The following WWP1 variants were observed in gnomAD, a reference collection of about 807,000 sequenced individuals.
WWP1 encodes WW domain containing E3 ubiquitin protein ligase 1.
In WWP1, 49 loss-of-function variants were observed where a neutral mutation model predicts 130.6. The ratio of observed to expected loss-of-function variants is 0.38; its 90% confidence interval spans 0.30 to 0.48. The LOEUF (loss-of-function observed/expected upper bound fraction) is 0.48. WWP1 is among the 20% of genes least tolerant of loss of function. The pLI is 0.99. For synonymous variants in WWP1, 332 were observed against 367.8 expected (o/e 0.90, Z 1.11); for missense variants, 809 against 1,100.6 (o/e 0.74, Z 3.75).
intron 20 of WWP1, among the ~76,000 whole-genome samples, chr8:86,451,726 TCTTCATC>T (rs1466434571): frequency 6.6e-6 from 1 of 152,180 alleles, no homozygotes; most frequent in Non-Finnish European, 1.5e-5. Context: ...CTTGGCTTTC[TCTTCATC>T]GTCTAGAATC....
At chr8:86,406,610 G>A (rs891252976) in intron 8 of WWP1, among the ~76,000 whole-genome samples, 1 of 152,074 alleles carries the variant, frequency 6.6e-6, no homozygotes, top group Admixed American at 6.6e-5. Context: ...AAATTGACAT[G>A]AATACAACCC....
At chr8:86,356,091 C>T (rs1823236986) in intron 1 of WWP1, among the ~76,000 whole-genome samples, 1 of 152,132 alleles carries the variant, frequency 6.6e-6, no homozygotes, top group South Asian at 2.1e-4. Flanking sequence ...AAGTGACTGA[C>T]ATATAATAGG....
intron 7 of WWP1, among the ~76,000 whole-genome samples, chr8:86,399,084 T>C (rs1432442391): frequency 6.6e-6 from 1 of 152,224 alleles, no homozygotes; most frequent in East Asian, 1.9e-4. Flanking sequence ...TGACTTCTTT[T>C]TCTTAGCATG....
At chr8:86,462,229 A>G (rs1041337864) in intron 24 of WWP1, among the ~76,000 whole-genome samples, 4 of 152,232 alleles carry the variant, frequency 2.6e-5, no homozygotes, top group Admixed American at 1.3e-4. Flanking sequence ...ACAGAGAACA[A>G]CTAACGGGAA....
At chr8:86,428,695 A>AT in intron 11 of WWP1, among the ~76,000 whole-genome samples, 1 of 152,302 alleles carries the variant, frequency 6.6e-6, no homozygotes, top group South Asian at 2.1e-4. Flanking sequence ...CCTAGTTTCC[A>AT]TAGCGTTTCC....
intron 18 of WWP1, among the ~76,000 whole-genome samples, chr8:86,444,608 G>C (rs961649591): frequency 1.3e-5 from 2 of 152,172 alleles, no homozygotes; most frequent in African/African-American, 4.8e-5. Context: ...TGTGTTTCAA[G>C]AAGGAAGACA....
At chr8:86,428,937 T>C (rs756750338) in intron 11 of WWP1, among the ~76,000 whole-genome samples, 1 of 152,152 alleles carries the variant, frequency 6.6e-6, no homozygotes, top group Admixed American at 6.5e-5. Context: ...ATCAGAAGAA[T>C]GTTATCTTGC....
rs187300308 is a variant in WWP1 at position 86,370,568 on chromosome 8, C to G, written c.-22+1537C>G. Among the ~76,000 whole-genome samples, 88 of 152,290 alleles carry G rather than the reference C, an allele frequency of 5.8e-4. No individual in the cohort carries two copies. The East Asian group carries it at 0.012, about 20-fold the overall frequency. On this transcript the variant is annotated intron_variant, in intron 2 of 24. Transcript: ENST00000517970. ...ACAAACTCTTGAGGCTCAGGATCCA[C>G]AGTACCCCACATTTCTGGATTTCTT... is the stretch of plus-strand genomic sequence containing the variant.
At position 86,398,468 on chromosome 8, in the gene WWP1, C is replaced by T; in HGVS notation, c.461C>T (p.Ser154Leu). The T allele has an allele frequency of 6.2e-7, 1 of 1,611,952 alleles. No individual in the cohort carries two copies. The highest frequency in any genetic ancestry group is 8.5e-7 in the Non-Finnish European group (1 of 1,178,920). The change falls in exon 6 of 25, where the codon TCA (serine) becomes TTA (leucine). Residue 154 changes from serine to leucine, a missense_variant. By Grantham distance (145) the Ser-to-Leu change is moderately radical. Transcript: ENST00000517970. ...CAAGAAAATATAACAAACTGCAGCT[C>T]ATCTCCAACCAGTAAGCTAACTTTA... is the stretch of plus-strand genomic sequence containing the variant. ...IEQENITNCS[S>L]SPTIEIQENG...
chr8:86,387,326 A>G (rs937210228), intron 5 of WWP1, among the ~76,000 whole-genome samples: 1 of 152,126 alleles, frequency 6.6e-6, no homozygotes, highest in Non-Finnish European at 1.5e-5. Context: ...AATCTTGTGA[A>G]AAAGGTAGAA....
At chr8:86,433,012 CCT>C (rs2130685824) in intron 14 of WWP1, among the ~76,000 whole-genome samples, 1 of 152,288 alleles carries the variant, frequency 6.6e-6, no homozygotes, top group African/African-American at 2.4e-5. Context: ...AGGAAGTTCC[CCT>C]GACACTGAAT....
intron 2 of WWP1, among the ~76,000 whole-genome samples, chr8:86,373,726 C>A (rs1410220602): frequency 1.3e-5 from 2 of 152,084 alleles, no homozygotes; most frequent in Non-Finnish European, 2.9e-5. Context: ...CTGACTTGGG[C>A]CCTTTGCTTG....
intron 14 of WWP1, among the ~76,000 whole-genome samples, chr8:86,432,894 C>T (rs1214841662): frequency 6.6e-6 from 1 of 152,248 alleles, no homozygotes; most frequent in African/African-American, 2.4e-5. Flanking sequence ...AGGCGTGAGC[C>T]ATCACACCCA....
intron 9 of WWP1, among the ~76,000 whole-genome samples, chr8:86,413,049 G>A (rs1216258724): frequency 6.6e-6 from 1 of 151,994 alleles, no homozygotes; most frequent in Admixed American, 6.6e-5. Context: ...GGCTGGTCTC[G>A]AACTCCTGAC....
Position 86,383,588 on chromosome 8 carries a change from A to C in WWP1, c.334+1959A>C, listed in dbSNP as rs531810818. 2.0e-5 allele frequency among the ~76,000 whole-genome samples: 3 copies of C among 152,074 alleles called. No individual in the cohort carries two copies. In the South Asian group the frequency reaches 6.2e-4, roughly 32 times the overall value. On this transcript the variant is annotated intron_variant, in intron 5 of 24. Coordinates refer to ENST00000517970, the MANE Select transcript of WWP1 (RefSeq NM_007013.4). The stretch of plus-strand genomic sequence containing the variant: ...GAGACCCTGTGTCTACCAAAAATAC[A>C]AAAATTAGCTGAGTGTGGTGGCACG...
At chr8:86,377,904 T>C (rs1248403172) in intron 3 of WWP1, among the ~76,000 whole-genome samples, 1 of 152,158 alleles carries the variant, frequency 6.6e-6, no homozygotes, top group Non-Finnish European at 1.5e-5. Flanking sequence ...ATACCACTTA[T>C]TTTTGTATGA....
chr8:86,354,115 T>C (rs1228100087), intron 1 of WWP1, among the ~76,000 whole-genome samples: 3 of 152,230 alleles, frequency 2.0e-5, no homozygotes, highest in Non-Finnish European at 4.4e-5. Context: ...TTAAGTTAAC[T>C]TCAGATTAAG....
At chr8:86,404,369 G>A (rs563424651) in intron 8 of WWP1, among the ~76,000 whole-genome samples, 69 of 152,230 alleles carry the variant, frequency 4.5e-4, no homozygotes, top group South Asian at 1.4e-3. Context: ...GTATGTTTTG[G>A]CATTTGGATG....
At chr8:86,360,791 T>C (rs1271062474) in intron 1 of WWP1, among the ~76,000 whole-genome samples, 1 of 152,202 alleles carries the variant, frequency 6.6e-6, no homozygotes, top group Non-Finnish European at 1.5e-5. Flanking sequence ...TGAACGTCTG[T>C]AATTGAGAAT....
Sources: gnomAD v4.1 joint callset for allele counts (sites outside exome capture counted in the v4.1 genomes callset) on GRCh38, gnomAD v4.1.1 for gene constraint, MANE v1.5 for transcripts, NCBI Gene and HGNC (gene_info 2026-07-23, HGNC 2026-07-21) for gene names.